BCORL1: variants seen among roughly 807,000 people sequenced by gnomAD.
BCORL1 encodes BCL-6 corepressor-like protein 1.
BCORL1 carries 7 observed loss-of-function variants against 87.6 expected under a neutral mutation model. That is an observed-to-expected ratio of 0.08 (90% CI 0.05 to 0.15). The LOEUF (loss-of-function observed/expected upper bound fraction) is 0.15, where lower values mean the gene tolerates loss of function less well. Ranked by LOEUF, BCORL1 falls within the 10% of genes least tolerant of loss-of-function variation. BCORL1 has a pLI of 1.00. For synonymous variants in BCORL1, 591 were observed against 634.4 expected, an observed-to-expected ratio of 0.93 and a Z score of 1.03; for missense variants, 1,215 against 1,499.7, an observed-to-expected ratio of 0.81 and a Z score of 3.13.
In BCORL1 at chrX:130,025,095, G is replaced by A. The variant is rs772512600; in HGVS notation, c.3794G>A (p.Arg1265His). 13 of 1,210,151 alleles carry A rather than the reference G, an allele frequency of 1.1e-5. No homozygotes were observed. The East Asian group carries it at 1.2e-4, about 11-fold the overall frequency. ...EEEVTPTPAKRRKVRKTQRDT... is the reference protein window; with the variant it reads ...EEEVTPTPAKHRKVRKTQRDT... The stretch of plus-strand genomic sequence containing the variant: ...GAGGTAACCCCCACCCCAGCTAAGC[G>A]TCGAAAGGTGAGAAAGACCCAACGG... Residue 1265 changes from arginine to histidine, a missense_variant, in exon 7 of 14, where the codon CGT becomes CAT. By Grantham distance (29) the Arg-to-His change is conservative. Transcript: ENST00000540052.
intron 11 of BCORL1, among the ~76,000 whole-genome samples, chrX:130,046,464 C>T (rs989941336): frequency 2.7e-5 from 3 of 109,935 alleles, no homozygotes; most frequent in East Asian, 2.9e-4. Context: ...CTGACGCCTC[C>T]GCCTCCGCCT....
chrX:130,033,651 T>G (rs1488971557), intron 8 of BCORL1, among the ~76,000 whole-genome samples: 2 of 111,682 alleles, frequency 1.8e-5, no homozygotes, highest in Non-Finnish European at 3.8e-5. Context: ...GAAGGAAGGT[T>G]TTTGCTACAA....
At chrX:130,031,511 C>T (rs902374202) in intron 8 of BCORL1, among the ~76,000 whole-genome samples, 3 of 112,193 alleles carry the variant, frequency 2.7e-5, no homozygotes, top group Non-Finnish European at 3.8e-5. Flanking sequence ...TGGCCAGGCG[C>T]GGTGGCTCAC....
At chrX:130,054,911 AAAAAG>A (rs1417074045) in intron 13 of BCORL1, among the ~76,000 whole-genome samples, 1 of 111,338 alleles carries the variant, frequency 9.0e-6, no homozygotes, top group African/African-American at 3.3e-5. Flanking sequence ...GAAAAAGAAA[AAAAAG>A]AAAAGAAAAC....
chrX:130,044,409 A>G (rs2124560049), intron 11 of BCORL1, among the ~76,000 whole-genome samples: 1 of 111,390 alleles, frequency 9.0e-6, no homozygotes, highest in South Asian at 3.8e-4. Flanking sequence ...GGTGAGCATT[A>G]GCGTCAGGGT....
intron 9 of BCORL1, 71 bp downstream of exon 9, chrX:130,034,747 G>T: frequency 3.8e-6 from 3 of 797,776 alleles, no homozygotes; most frequent in East Asian, 8.1e-5. Flanking sequence ...TTCTCCATGG[G>T]CTCTTCTGGT....
Position 130,056,154 on chromosome X carries a change from C to T in BCORL1, c.*18C>T, listed in dbSNP as rs1277406794. On this transcript the variant is annotated 3_prime_UTR_variant, in exon 14 of 14. Transcript: ENST00000540052. ...ACAGTTGACCGGGAAAACAGCCCCT[C>T]CTCTTCTTTCTCCTTCCGAGTTCGC... is the stretch of plus-strand genomic sequence containing the variant. The T allele has an allele frequency of 1.0e-5, 12 of 1,144,504 alleles. No homozygotes were observed. The highest frequency in any genetic ancestry group is 1.3e-5 in the Non-Finnish European group (11 of 861,491). The allele number at this position is 1,144,504 out of a possible 1,213,427, so 94.3% of individuals were successfully genotyped here.
chrX:130,019,821 T>C (rs1305792746), intron 4 of BCORL1, among the ~76,000 whole-genome samples: 1 of 112,332 alleles, frequency 8.9e-6, no homozygotes, highest in Admixed American at 9.4e-5. Flanking sequence ...CTGCTTTTAT[T>C]GTTCCAACGT....
chrX:129,982,263 T>C (rs1926169029), upstream of BCORL1, among the ~76,000 whole-genome samples: 1 of 109,540 alleles, frequency 9.1e-6, no homozygotes, highest in Non-Finnish European at 1.9e-5. Flanking sequence ...CTCCCAGGAG[T>C]CTAGCTTTTT....
intron 13 of BCORL1, among the ~76,000 whole-genome samples, chrX:130,054,664 C>T (rs1028405939): frequency 5.4e-5 from 6 of 110,817 alleles, no homozygotes; most frequent in Admixed American, 1.9e-4. Flanking sequence ...GTAATCCCAG[C>T]GCTTTGGGAG....
chrX:130,028,286 G>C (rs1021613423), intron 7 of BCORL1, among the ~76,000 whole-genome samples: 1 of 111,341 alleles, frequency 9.0e-6, no homozygotes, highest in South Asian at 3.7e-4. Context: ...CAGACAAAGG[G>C]AATGGGAAAA....
chrX:130,030,658 G>C (rs918865557), intron 8 of BCORL1, among the ~76,000 whole-genome samples: 6 of 111,123 alleles, frequency 5.4e-5, no homozygotes, highest in African/African-American at 2.0e-4. Flanking sequence ...AGCAGCGCTG[G>C]GAAAAGGTGG....
intron 8 of BCORL1, among the ~76,000 whole-genome samples, chrX:130,031,600 A>G (rs1930608590): frequency 8.9e-6 from 1 of 111,994 alleles, no homozygotes; most frequent in Admixed American, 9.5e-5. Context: ...CCTGGGCAAC[A>G]TGGTGAAACC....
At chrX:130,050,222 A>G (rs1931992531) in intron 11 of BCORL1, among the ~76,000 whole-genome samples, 1 of 110,131 alleles carries the variant, frequency 9.1e-6, no homozygotes, top group Non-Finnish European at 1.9e-5. Flanking sequence ...GCTTGAGCTC[A>G]GGGGTTTGTG....
At chrX:129,989,302 A>ATTTTTT (rs34124916) in intron 1 of BCORL1, among the ~76,000 whole-genome samples, 2 of 71,714 alleles carry the variant, frequency 2.8e-5, no homozygotes, top group African/African-American at 1.1e-4. Context: ...TGCCCGGCTA[A>ATTTTTT]TTTTTTTTTT....
chrX:130,054,536 T>G lies in BCORL1; in HGVS notation c.5076-1318T>G, dbSNP rs752061935. Among the ~76,000 whole-genome samples, 209 of 107,915 alleles carry G rather than the reference T, an allele frequency of 1.9e-3. 1 individual carries two copies. Among genetic ancestry groups the G allele is most frequent in the Non-Finnish European group, 1.7e-3 (90 of 51,917 alleles). The allele number at this position is 107,915 out of a possible 115,157, so 93.7% of individuals were successfully genotyped here. A position where few individuals can be genotyped will look rare whatever the true frequency, so the allele number is the denominator to read the frequency against. ...GTAGGGTGGGGGATACAATGTGGGG[T>G]GTGTGTGTGTGTGAGAGAGAGACAG... On this transcript the variant is annotated intron_variant, in intron 13 of 13. Transcript: ENST00000540052.
intron 11 of BCORL1, among the ~76,000 whole-genome samples, chrX:130,045,722 A>G (rs1170098557): frequency 9.0e-6 from 1 of 110,951 alleles, no homozygotes; most frequent in Non-Finnish European, 1.9e-5. Context: ...GGTTCAAGCA[A>G]TCCTCCTGCC....
intron 4 of BCORL1, among the ~76,000 whole-genome samples, chrX:130,018,294 G>C (rs1022901474): frequency 2.7e-5 from 3 of 112,033 alleles, no homozygotes; most frequent in Non-Finnish European, 5.6e-5. Flanking sequence ...GTAGACTAGT[G>C]GTTGCCTAGG....
At position 130,013,864 on chromosome X, in the gene BCORL1, C is replaced by T. The variant is rs747692788; in HGVS notation, c.1092C>T (p.Ser364=). ...SVPMPTPTPS[S]GPPSTPTLIP... ...CCATGCCCACTCCAACCCCATCTTC[C>T]GGCCCACCTTCTACCCCCACCCTCA... The change falls in exon 4 of 14, where the codon TCC becomes TCT. Residue 364 remains serine (S), a synonymous_variant. Transcript: ENST00000540052. The T allele has an allele frequency of 4.8e-5, 56 of 1,164,206 alleles. No homozygotes were observed. The South Asian group carries it at 6.3e-4, about 13-fold the overall frequency.
Sources: gnomAD v4.1 joint callset for allele counts (sites outside exome capture counted in the v4.1 genomes callset) on GRCh38, gnomAD v4.1.1 for gene constraint, MANE v1.5 for transcripts, NCBI Gene and HGNC (gene_info 2026-07-23, HGNC 2026-07-21) for gene names.